Variants in DLG2 observed in about 807,000 individuals in gnomAD.
DLG2 encodes discs large MAGUK scaffold protein 2.
A neutral mutation model predicts 132.5 loss-of-function variants in DLG2; 45 were observed. The ratio of observed to expected loss-of-function variants is 0.34; its 90% confidence interval spans 0.27 to 0.44. The LOEUF is 0.44. DLG2 is among the 20% of genes least tolerant of loss of function. DLG2 has a pLI of 1.00. For missense variants in DLG2, 1,045 were observed against 1,196.9 expected (o/e 0.87, Z 1.87); for synonymous variants, 424 against 419.6 (o/e 1.01, Z -0.13).
intron 3 of DLG2, among the ~76,000 whole-genome samples, chr11:85,589,351 G>A (rs996534698): frequency 6.6e-6 from 1 of 152,146 alleles, no homozygotes. Flanking sequence ...TGATAGAAGA[G>A]GGGGGATATA....
rs186767175 is a variant in DLG2, at chr11:85,424,831, G to T, written c.41-139466C>A. ...GGAAAAACAGCCCTCCACAAATCAA[G>T]AACAATTCCCTCACCAAACACTGGA... On this transcript the variant is annotated intron_variant, in intron 3 of 27. Transcript: ENST00000376104. Among the ~76,000 whole-genome samples, 8 of 152,144 alleles carry T rather than the reference G, an allele frequency of 5.3e-5. No individual in the cohort carries two copies. The East Asian group carries it at 1.5e-3, about 29-fold the overall frequency.
At chr11:85,265,795 C>T (rs934695052) in intron 4 of DLG2, among the ~76,000 whole-genome samples, 1 of 152,208 alleles carries the variant, frequency 6.6e-6, no homozygotes, top group Admixed American at 6.5e-5. Flanking sequence ...AGAGAGGCAA[C>T]TTGACTTCGG....
intron 18 of DLG2, among the ~76,000 whole-genome samples, chr11:83,662,058 A>G (rs1322233093): frequency 6.6e-6 from 1 of 152,018 alleles, no homozygotes; most frequent in Non-Finnish European, 1.5e-5. Flanking sequence ...TCTACCTTAA[A>G]TACCAATTTT....
At chr11:83,483,160 G>T (rs2093259695) in intron 22 of DLG2, 2 of 967,930 alleles carry the variant, frequency 2.1e-6, no homozygotes, top group African/African-American at 3.2e-5. Context: ...TGCATGCTAG[G>T]AGTGAAAGGC....
intron 7 of DLG2, among the ~76,000 whole-genome samples, chr11:84,293,688 A>T (rs2098042629): frequency 1.3e-5 from 2 of 152,172 alleles, no homozygotes; most frequent in South Asian, 2.1e-4. Context: ...AAAAATAAAT[A>T]AATAAAAATA....
intron 3 of DLG2, among the ~76,000 whole-genome samples, chr11:85,334,894 A>G (rs753849889): frequency 2.0e-5 from 3 of 152,124 alleles, no homozygotes; most frequent in Non-Finnish European, 2.9e-5. Flanking sequence ...AATAATGTAT[A>G]TTCTGTTGTT....
intron 4 of DLG2, among the ~76,000 whole-genome samples, chr11:85,167,313 GTTTAC>G (rs1007866670): frequency 1.3e-5 from 2 of 152,196 alleles, no homozygotes; most frequent in Non-Finnish European, 2.9e-5. Context: ...AGAATGCCTA[GTTTAC>G]TTAACTCTAT....
intron 6 of DLG2, among the ~76,000 whole-genome samples, chr11:84,861,032 T>A (rs932650874): frequency 2.0e-5 from 3 of 152,052 alleles, no homozygotes; most frequent in Non-Finnish European, 4.4e-5. Context: ...AGCTCACAAT[T>A]AGTAAGAGGA....
intron 8 of DLG2, among the ~76,000 whole-genome samples, chr11:84,185,191 T>A (rs564075625): frequency 5.9e-5 from 9 of 152,304 alleles, no homozygotes; most frequent in Non-Finnish European, 1.0e-4. Context: ...TATTGATTCC[T>A]CCTATCCACG....
At chr11:85,434,127 GA>G (rs1037122716) in intron 3 of DLG2, among the ~76,000 whole-genome samples, 2 of 151,164 alleles carry the variant, frequency 1.3e-5, no homozygotes, top group African/African-American at 4.9e-5. Flanking sequence ...GAAACCAATG[GA>G]AAAAAAAGAA....
intron 8 of DLG2, among the ~76,000 whole-genome samples, chr11:84,180,763 A>G (rs2096097599): frequency 6.6e-6 from 1 of 152,124 alleles, no homozygotes; most frequent in Non-Finnish European, 1.5e-5. Context: ...ACTGGAAGAG[A>G]GTGAAGTGAA....
intron 6 of DLG2, among the ~76,000 whole-genome samples, chr11:85,027,240 C>G (rs530824287): frequency 6.3e-4 from 73 of 115,482 alleles, no homozygotes; most frequent in Non-Finnish European, 1.1e-3. Context: ...AGATATAAAA[C>G]TGTTAAATAC....
intron 6 of DLG2, among the ~76,000 whole-genome samples, chr11:84,732,274 T>C (rs2063247355): frequency 6.6e-6 from 1 of 152,092 alleles, no homozygotes; most frequent in Non-Finnish European, 1.5e-5. Flanking sequence ...ATATATTTCC[T>C]TTTCTTCTGG....
intron 15 of DLG2, among the ~76,000 whole-genome samples, chr11:83,905,058 C>T (rs1404568027): frequency 2.0e-5 from 3 of 152,136 alleles, no homozygotes; most frequent in Admixed American, 2.0e-4. Flanking sequence ...CTTTCAGTAT[C>T]ATCCCATGCA....
At chr11:83,553,408 G>A (rs1436309542) in intron 19 of DLG2, among the ~76,000 whole-genome samples, 11 of 151,692 alleles carry the variant, frequency 7.3e-5, no homozygotes, top group African/African-American at 2.7e-4. Context: ...TATCTCACAA[G>A]TTGTTGTGAA....
chr11:83,618,840 T>A (rs1368396747), intron 19 of DLG2, among the ~76,000 whole-genome samples: 1 of 152,190 alleles, frequency 6.6e-6, no homozygotes, highest in African/African-American at 2.4e-5. Flanking sequence ...TCCATCATAG[T>A]TAGCTTCTCA....
At chr11:85,146,225 TCC>T (rs34094440) in intron 5 of DLG2, among the ~76,000 whole-genome samples, 2,384 of 133,334 alleles carry the variant, frequency 0.018, 67 homozygotes, top group African/African-American at 0.071. Flanking sequence ...TGTCTGTTTC[TCC>T]CTCTCTCTCT....
chr11:85,357,720 AT>A (rs2083833862), intron 3 of DLG2, among the ~76,000 whole-genome samples: 1 of 1,622 alleles, frequency 6.2e-4, no homozygotes, highest in African/African-American at 2.5e-3. Flanking sequence ...ATATATATAT[AT>A]ATATATATAT....
intron 7 of DLG2, among the ~76,000 whole-genome samples, chr11:84,486,754 G>A (rs1442662294): frequency 1.3e-5 from 2 of 151,974 alleles, no homozygotes; most frequent in East Asian, 1.9e-4. Flanking sequence ...CCCAAGACAA[G>A]GGAGTGAAAT....
Sources: gnomAD v4.1 joint callset for allele counts (sites outside exome capture counted in the v4.1 genomes callset) on GRCh38, gnomAD v4.1.1 for gene constraint, MANE v1.5 for transcripts, NCBI Gene and HGNC (gene_info 2026-07-23, HGNC 2026-07-21) for gene names.